LARGE1: variants seen among roughly 807,000 people sequenced by gnomAD.
The protein encoded by LARGE1 is xylosyl- and glucuronyltransferase LARGE1.
Under a neutral mutation model 87.6 loss-of-function variants are expected in LARGE1, and 43 were observed. The ratio of observed to expected loss-of-function variants is 0.49; its 90% confidence interval spans 0.38 to 0.63. LARGE1 has a LOEUF of 0.63. LARGE1 is among the 30% of genes least tolerant of loss of function. The pLI is 0.00. For synonymous variants in LARGE1, 434 were observed against 394.6 expected (o/e 1.10, Z -1.18); for missense variants, 802 against 1,000.2 (o/e 0.80, Z 2.67).
rs768728401 is a variant in LARGE1 at position 33,839,233 on chromosome 22, C to T, written c.-82-77675G>A. Among the ~76,000 whole-genome samples the T allele has an allele frequency of 8.5e-5, 13 of 152,278 alleles. 1 individual carries two copies. The highest frequency in any genetic ancestry group is 8.3e-4 in the South Asian group (4 of 4,812). Reference sequence around the variant, plus strand: ...GTGGGAGGTAAAAGAGGAGCAGACACGTCACATGACAAAAGTGGGAGCAAG... The same window carrying T: ...GTGGGAGGTAAAAGAGGAGCAGACATGTCACATGACAAAAGTGGGAGCAAG... On this transcript the variant is annotated intron_variant, in intron 1 of 14. Transcript: ENST00000397394.
At chr22:33,089,931 A>G in the LARGE1 span, among the ~76,000 whole-genome samples, 1 of 152,120 alleles carries the variant, frequency 6.6e-6, no homozygotes, top group African/African-American at 2.4e-5. Context: ...TGTGTCTGAT[A>G]CTGTTTATGT....
intron 11 of LARGE1, 35 bp downstream of exon 11, chr22:33,316,050 G>A (rs1359327383): frequency 1.4e-5 from 22 of 1,610,238 alleles, no homozygotes; most frequent in Non-Finnish European, 1.9e-5. Context: ...CAGCCGCGGT[G>A]AGGAGACTGG....
At chr22:33,413,411 T>TC (rs139901038) in intron 7 of LARGE1, among the ~76,000 whole-genome samples, 4,900 of 152,090 alleles carry the variant, frequency 0.032, 263 homozygotes, top group African/African-American at 0.11. Flanking sequence ...TCCCTACCTC[T>TC]CCCCCGAAAC....
At chr22:33,374,540 A>G (rs2064931364) in intron 9 of LARGE1, among the ~76,000 whole-genome samples, 1 of 152,158 alleles carries the variant, frequency 6.6e-6, no homozygotes, top group South Asian at 2.1e-4. Flanking sequence ...ACCTTTTAAA[A>G]TCTTTGGCAG....
intron 6 of LARGE1, among the ~76,000 whole-genome samples, chr22:33,530,000 C>T (rs975381716): frequency 1.3e-5 from 2 of 152,158 alleles, no homozygotes; most frequent in Non-Finnish European, 2.9e-5. Context: ...CTCTATAAAC[C>T]AGACATGGTA....
At chr22:33,723,817 G>A (rs5999071) in intron 2 of LARGE1, 23,087 of 152,028 alleles carry the variant, frequency 0.15, 3,725 homozygotes, top group African/African-American at 0.4. Context: ...AGAAGGGCCC[G>A]GCTGGGCCAC....
chr22:33,882,446 C>G (rs921510608), intron 1 of LARGE1, among the ~76,000 whole-genome samples: 1 of 152,104 alleles, frequency 6.6e-6, no homozygotes, highest in African/African-American at 2.4e-5. Flanking sequence ...CCCCCCACAC[C>G]CAGTTCCACC....
chr22:33,170,561 A>G (rs1922512395), intron 11 of LARGE1, among the ~76,000 whole-genome samples: 1 of 152,036 alleles, frequency 6.6e-6, no homozygotes, highest in Admixed American at 6.6e-5. Flanking sequence ...TGAGGGAGAT[A>G]TCATAAGATC....
At chr22:33,745,234 A>T (rs1463568768) in intron 2 of LARGE1, among the ~76,000 whole-genome samples, 2 of 152,230 alleles carry the variant, frequency 1.3e-5, no homozygotes, top group Non-Finnish European at 2.9e-5. Flanking sequence ...GAGGGAAAAC[A>T]GCCTCCTTTC....
intron 5 of LARGE1, among the ~76,000 whole-genome samples, chr22:33,594,827 G>A (rs1194868873): frequency 1.3e-5 from 2 of 152,166 alleles, no homozygotes; most frequent in East Asian, 1.9e-4. Context: ...GGCTGGTCTC[G>A]AACTCCTGAC....
chr22:33,602,039 A>G (rs1313963771), intron 5 of LARGE1, among the ~76,000 whole-genome samples: 5 of 152,030 alleles, frequency 3.3e-5, no homozygotes, highest in African/African-American at 1.2e-4. Context: ...GGACTTCACA[A>G]CCGGCCACAC....
the LARGE1 span, among the ~76,000 whole-genome samples, chr22:33,089,579 C>A: frequency 1.3e-5 from 2 of 151,814 alleles, no homozygotes; most frequent in African/African-American, 4.8e-5. Flanking sequence ...CACACTGCAA[C>A]CTTGAACTCC....
At chr22:33,224,395 T>C (rs1434775084) in intron 11 of LARGE1, among the ~76,000 whole-genome samples, 4 of 152,208 alleles carry the variant, frequency 2.6e-5, no homozygotes, top group South Asian at 2.1e-4. Context: ...TGTTCATAGA[T>C]TGCCTTCATG....
intron 6 of LARGE1, among the ~76,000 whole-genome samples, chr22:33,434,835 C>T (rs1482545167): frequency 6.6e-6 from 1 of 152,152 alleles, no homozygotes; most frequent in Non-Finnish European, 1.5e-5. Context: ...CAGGCATTGC[C>T]CTTGCCCCCC....
chr22:33,132,342 C>G, the LARGE1 span, among the ~76,000 whole-genome samples: 13 of 151,610 alleles, frequency 8.6e-5, no homozygotes, highest in African/African-American at 3.1e-4. Flanking sequence ...CACCACCATG[C>G]CTCGCTAATT....
In LARGE1 at chr22:33,340,569, C is replaced by T. The variant is rs1030502692; in HGVS notation, c.1132-2768G>A. Among the ~76,000 whole-genome samples, 29 of 151,998 alleles carry T rather than the reference C, an allele frequency of 1.9e-4. 1 individual carries two copies. In the East Asian group the frequency reaches 4.2e-3, roughly 22 times the overall value. On this transcript the variant is annotated intron_variant, in intron 9 of 14. Transcript: ENST00000397394. ...CAAGGCAAGGCTCAGCCCAGTGCAACGGCATGAATACCTGAGCACAGTCCC... is the reference window on the plus strand; with the variant it reads ...CAAGGCAAGGCTCAGCCCAGTGCAATGGCATGAATACCTGAGCACAGTCCC...
intron 10 of LARGE1, among the ~76,000 whole-genome samples, chr22:33,335,208 T>C (rs1601494240): frequency 6.6e-6 from 1 of 152,236 alleles, no homozygotes; most frequent in East Asian, 1.9e-4. Context: ...TACATACTGA[T>C]GTGAGCAAAG....
chr22:33,078,259 T>C, the LARGE1 span, among the ~76,000 whole-genome samples: 4 of 152,222 alleles, frequency 2.6e-5, no homozygotes, highest in East Asian at 7.7e-4. Flanking sequence ...GTCTGCCAAA[T>C]TGTCATCATT....
At chr22:33,372,722 T>C (rs548700143) in intron 9 of LARGE1, among the ~76,000 whole-genome samples, 1 of 152,202 alleles carries the variant, frequency 6.6e-6, no homozygotes, top group South Asian at 2.1e-4. Flanking sequence ...CCAAATCATA[T>C]CACAAAGTAT....
Sources: gnomAD v4.1 joint callset for allele counts (sites outside exome capture counted in the v4.1 genomes callset) on GRCh38, gnomAD v4.1.1 for gene constraint, MANE v1.5 for transcripts, NCBI Gene and HGNC (gene_info 2026-07-23, HGNC 2026-07-21) for gene names.